Variants in PKN2 observed in about 807,000 individuals in gnomAD.
The protein encoded by PKN2 is protein kinase N2.
Under a neutral mutation model 119.1 loss-of-function variants are expected in PKN2, and 38 were observed. The observed-to-expected ratio is 0.32, with a 90% CI of 0.25 to 0.42. The LOEUF (loss-of-function observed/expected upper bound fraction) is 0.42. Among genes scored for constraint, PKN2 ranks in the 10% least tolerant of loss-of-function variants. PKN2 has a pLI of 1.00. For synonymous variants in PKN2, 390 were observed against 384.9 expected, an observed-to-expected ratio of 1.01 and a Z score of -0.15; for missense variants, 850 against 1,165.1, an observed-to-expected ratio of 0.73 and a Z score of 3.94.
At chr1:88,790,555 T>G (rs1056726893) in intron 8 of PKN2, among the ~76,000 whole-genome samples, 2 of 152,200 alleles carry the variant, frequency 1.3e-5, no homozygotes, top group East Asian at 1.9e-4. Context: ...TTTTAATATT[T>G]AATCATGATC....
chr1:88,791,903 C>CAT, intron 8 of PKN2, among the ~76,000 whole-genome samples: 1 of 152,194 alleles, frequency 6.6e-6, no homozygotes, highest in Non-Finnish European at 1.5e-5. Flanking sequence ...CATACCTGGT[C>CAT]ACAGATTTTT....
At chr1:88,793,497 T>C (rs1473612638) in intron 8 of PKN2, among the ~76,000 whole-genome samples, 1 of 152,196 alleles carries the variant, frequency 6.6e-6, no homozygotes, top group Non-Finnish European at 1.5e-5. Context: ...CCTACTTTTT[T>C]TTCTTTTTTG....
chr1:88,743,488 T>C (rs1459405199), intron 2 of PKN2, among the ~76,000 whole-genome samples: 1 of 152,222 alleles, frequency 6.6e-6, no homozygotes, highest in Admixed American at 6.5e-5. Flanking sequence ...AAATTCCTGA[T>C]CACCCTTAAA....
At chr1:88,816,785 A>T (rs932071697) in intron 16 of PKN2, 1 of 152,202 alleles carries the variant, frequency 6.6e-6, no homozygotes, top group African/African-American at 2.4e-5. Context: ...ACCCGTGCTC[A>T]CTTCAGCAGC....
intron 11 of PKN2, 52 bp from the exon 12 acceptor site, chr1:88,805,839 A>G (rs756583375): frequency 1.2e-6 from 2 of 1,609,984 alleles, no homozygotes; most frequent in South Asian, 2.2e-5. Context: ...AAAGCTGTTT[A>G]AAATACAGAC....
intron 1 of PKN2, among the ~76,000 whole-genome samples, chr1:88,690,023 T>C (rs1666265911): frequency 6.6e-6 from 1 of 152,224 alleles, no homozygotes; most frequent in Non-Finnish European, 1.5e-5. Context: ...ACTACCAAGA[T>C]AAAAGTCTGT....
At chr1:88,784,132 C>CG (rs1670469101) in intron 6 of PKN2, among the ~76,000 whole-genome samples, 12 of 103,948 alleles carry the variant, frequency 1.2e-4, no homozygotes, top group Admixed American at 2.1e-4. Flanking sequence ...GATGCTGTTC[C>CG]TTTTTTTTTT....
chr1:88,776,207 CCCCCTA>C (rs1163833573), intron 6 of PKN2, among the ~76,000 whole-genome samples: 5 of 124,958 alleles, frequency 4.0e-5, no homozygotes, highest in Admixed American at 2.4e-4. Context: ...CCCTCCCCCT[CCCCCTA>C]CCCCCTCCCC....
chr1:88,820,313 T>A (rs1672222534), intron 16 of PKN2, among the ~76,000 whole-genome samples: 1 of 147,768 alleles, frequency 6.8e-6, no homozygotes, highest in African/African-American at 2.5e-5. Context: ...GGCGGGCAGA[T>A]CACCTGAGGT....
chr1:88,771,323 T>A (rs1669885817), intron 4 of PKN2, 98 bp from the exon 5 acceptor site: 1 of 799,052 alleles, frequency 1.3e-6, no homozygotes, highest in Non-Finnish European at 2.0e-6. Context: ...ACTAAGTTAT[T>A]GTAATGTTAT....
At chr1:88,750,156 A>C (rs1668931515) in intron 2 of PKN2, among the ~76,000 whole-genome samples, 1 of 152,180 alleles carries the variant, frequency 6.6e-6, no homozygotes, top group African/African-American at 2.4e-5. Context: ...AAAAAGCATG[A>C]GGTATCCAAG....
rs78198855 is a variant in PKN2, at chr1:88,730,496, T to A, written c.49-10492T>A. ...CTTTCAAGCCTTGGGTCTGCATTCT[T>A]GGCAAATAGAAAAGGAGAAGTAAAA... is the stretch of plus-strand genomic sequence containing the variant. On this transcript the variant is annotated intron_variant, in intron 1 of 21. Transcript: ENST00000370521. Among the ~76,000 whole-genome samples, 72 of 152,306 alleles carry A rather than the reference T, an allele frequency of 4.7e-4. No homozygotes were observed. The East Asian group carries it at 0.011, about 24-fold the overall frequency.
chr1:88,699,844 G>A (rs568484051), intron 1 of PKN2, among the ~76,000 whole-genome samples: 2 of 151,816 alleles, frequency 1.3e-5, no homozygotes, highest in South Asian at 2.1e-4. Context: ...ATGCAGTGGC[G>A]CAATCTTTGC....
chr1:88,685,189 C>G (rs1204969039), intron 1 of PKN2: 1 of 152,294 alleles, frequency 6.6e-6, no homozygotes, highest in Admixed American at 6.5e-5. Flanking sequence ...CTTCAGCAGC[C>G]CTCTTCAGGT....
At chr1:88,780,744 C>T (rs1188493466) in intron 6 of PKN2, among the ~76,000 whole-genome samples, 1 of 152,176 alleles carries the variant, frequency 6.6e-6, no homozygotes, top group Non-Finnish European at 1.5e-5. Context: ...TGCTAAGTTT[C>T]ACCACCTTTT....
At chr1:88,701,543 C>T (rs1398221235) in intron 1 of PKN2, among the ~76,000 whole-genome samples, 1 of 152,162 alleles carries the variant, frequency 6.6e-6, no homozygotes, top group African/African-American at 2.4e-5. Context: ...AACAGCAAAG[C>T]ATTAAGTATT....
At chr1:88,715,164 G>A (rs1277744816) in intron 1 of PKN2, among the ~76,000 whole-genome samples, 1 of 152,082 alleles carries the variant, frequency 6.6e-6, no homozygotes, top group Admixed American at 6.6e-5. Context: ...GTGCTGCTCA[G>A]TTCGGTTTGC....
rs770578016 is a variant in PKN2 at position 88,813,563 on chromosome 1, G to T, written c.2109G>T (p.Met703Ile). 2 of 1,578,832 alleles carry T rather than the reference G, an allele frequency of 1.3e-6. No homozygotes were observed. Among genetic ancestry groups the T allele is most frequent in the South Asian group, 1.2e-5 (1 of 85,886 alleles). ...AAAATATTTTCTTTTACAGCCTGATGTGTGAAAAAAGAATTTTTGAAACTG... is the reference window on the plus strand; with the variant it reads ...AAAATATTTTCTTTTACAGCCTGATTTGTGAAAAAAGAATTTTTGAAACTG... ...IVARDEVDSL[M>I]CEKRIFETVN... The change falls in exon 16 of 22, where the codon ATG becomes ATT. Residue 703 changes from methionine to isoleucine, a missense_variant. Around this residue, in one of 9 missense-constraint regions of PKN2, gnomAD observed 216 missense variants for 252.8 expected, o/e 0.85. Transcript: ENST00000370521.
At chr1:88,737,040 C>T (rs1012240835) in intron 1 of PKN2, among the ~76,000 whole-genome samples, 2 of 152,332 alleles carry the variant, frequency 1.3e-5, no homozygotes, top group South Asian at 2.1e-4. Flanking sequence ...CTCATTCTTT[C>T]AAGCATCAGT....
Sources: gnomAD v4.1 joint callset for allele counts (sites outside exome capture counted in the v4.1 genomes callset) on GRCh38, gnomAD v4.1.1 for gene constraint, gnomAD v4.1.1 regional missense constraint, MANE v1.5 for transcripts, NCBI Gene and HGNC (gene_info 2026-07-23, HGNC 2026-07-21) for gene names.